GRIA3: variants seen among roughly 807,000 people sequenced by gnomAD.
The protein encoded by GRIA3 is glutamate receptor 3.
A neutral mutation model predicts 63.0 loss-of-function variants in GRIA3; 3 were observed. The observed-to-expected ratio is 0.05, with a 90% confidence interval of 0.02 to 0.12. GRIA3 has a LOEUF of 0.12. GRIA3 is among the 10% of genes least tolerant of loss of function. The probability of loss-of-function intolerance (pLI) is 1.00; values close to 1 mark genes in which losing one functional copy is unlikely to be tolerated. For missense variants in GRIA3, 347 were observed against 700.9 expected (o/e 0.50, Z 5.70); for synonymous variants, 274 against 257.9 (o/e 1.06, Z -0.60).
chrX:123,240,807 C>T (rs2044325543), intron 2 of GRIA3, among the ~76,000 whole-genome samples: 1 of 111,205 alleles, frequency 9.0e-6, no homozygotes, highest in Admixed American at 9.6e-5. Context: ...TCTCAGCATC[C>T]TTTTCTTTTT....
At chrX:123,341,369 A>G (rs1026921451) in intron 4 of GRIA3, among the ~76,000 whole-genome samples, 11 of 111,662 alleles carry the variant, frequency 9.9e-5, no homozygotes, top group African/African-American at 3.6e-4. Context: ...ACAAATTCTT[A>G]TTACTTTTGG....
intron 5 of GRIA3, among the ~76,000 whole-genome samples, chrX:123,367,498 G>A (rs896218911): frequency 3.7e-5 from 4 of 109,146 alleles, no homozygotes; most frequent in South Asian, 3.9e-4. Context: ...GTGCAGTGGC[G>A]TGATCTCCAC....
intron 13 of GRIA3, among the ~76,000 whole-genome samples, chrX:123,478,468 AC>A (rs2045896830): frequency 8.9e-6 from 1 of 112,015 alleles, no homozygotes; most frequent in Non-Finnish European, 1.9e-5. Context: ...TCCTACGCTA[AC>A]CAAGAAAGTT....
intron 7 of GRIA3, among the ~76,000 whole-genome samples, chrX:123,402,707 C>T (rs915292876): frequency 3.6e-5 from 4 of 110,943 alleles, no homozygotes; most frequent in Admixed American, 2.9e-4. Flanking sequence ...TAGGAAGGGG[C>T]TAGTGGAAAT....
chrX:123,293,067 T>C (rs1205362319), intron 3 of GRIA3, among the ~76,000 whole-genome samples: 1 of 109,740 alleles, frequency 9.1e-6, no homozygotes, highest in Non-Finnish European at 1.9e-5. Flanking sequence ...AGGAAAGGGA[T>C]GGTTTATAAT....
At chrX:123,370,290 G>A (rs1406426741) in intron 5 of GRIA3, among the ~76,000 whole-genome samples, 1 of 39,546 alleles carries the variant, frequency 2.5e-5, no homozygotes, top group Non-Finnish European at 6.0e-5. Context: ...ATATGGGGTG[G>A]TCATGCTGCT....
intron 2 of GRIA3, among the ~76,000 whole-genome samples, chrX:123,234,417 G>A (rs1246859320): frequency 3.6e-5 from 4 of 112,044 alleles, no homozygotes; most frequent in African/African-American, 1.3e-4. Context: ...TTTCACAAAT[G>A]TTTATGACTC....
At chrX:123,469,580 G>A (rs187610339) in intron 13 of GRIA3, among the ~76,000 whole-genome samples, 208 of 111,684 alleles carry the variant, frequency 1.9e-3, no homozygotes, top group African/African-American at 6.5e-3. Context: ...AACTGTAAAT[G>A]CACATGCAAG....
At chrX:123,354,316 T>A (rs1358763437) in intron 4 of GRIA3, among the ~76,000 whole-genome samples, 1 of 111,617 alleles carries the variant, frequency 9.0e-6, no homozygotes, top group Non-Finnish European at 1.9e-5. Context: ...TCGAGAGGAA[T>A]CCCTCCTCAG....
At chrX:123,205,931 A>G (rs1488050123) in intron 2 of GRIA3, among the ~76,000 whole-genome samples, 6 of 111,403 alleles carry the variant, frequency 5.4e-5, no homozygotes, top group Non-Finnish European at 1.1e-4. Context: ...TATTGTTTGC[A>G]CCCCAGACAG....
chrX:123,275,012 A>C lies in GRIA3; in HGVS notation c.508+21470A>C, dbSNP rs748309008. On this transcript the variant is annotated intron_variant, in intron 3 of 15. Coordinates refer to ENST00000620443, the MANE Select transcript of GRIA3 (RefSeq NM_007325.5). Reference sequence around the variant, plus strand: ...CTACCAAGGCATTCAAATTGAGAAAATGACTAAATTAGAACACAAACAGTA... The same window carrying C: ...CTACCAAGGCATTCAAATTGAGAAACTGACTAAATTAGAACACAAACAGTA... Among the ~76,000 whole-genome samples the C allele has an allele frequency of 4.5e-5, 5 of 111,375 alleles. No individual in the cohort carries two copies. In the East Asian group the frequency reaches 1.4e-3, roughly 31 times the overall value.
intron 5 of GRIA3, among the ~76,000 whole-genome samples, chrX:123,357,009 A>G (rs2045138105): frequency 8.9e-6 from 1 of 112,021 alleles, no homozygotes; most frequent in African/African-American, 3.2e-5. Flanking sequence ...ACAGGTCTAT[A>G]CCAGTAACAG....
chrX:123,327,024 G>T (rs1020872978), intron 4 of GRIA3, among the ~76,000 whole-genome samples: 2 of 109,390 alleles, frequency 1.8e-5, no homozygotes, highest in Non-Finnish European at 3.8e-5. Context: ...AAATTAACTG[G>T]GCGTGGTGGC....
intron 12 of GRIA3, among the ~76,000 whole-genome samples, chrX:123,455,570 T>G (rs1285299328): frequency 8.9e-6 from 1 of 111,918 alleles, no homozygotes; most frequent in East Asian, 2.8e-4. Context: ...TTGCCTCAAA[T>G]TGCTCTGATC....
chrX:123,345,549 C>T (rs1432572697), intron 4 of GRIA3, among the ~76,000 whole-genome samples: 2 of 108,971 alleles, frequency 1.8e-5, no homozygotes, highest in Non-Finnish European at 3.8e-5. Context: ...TTGATCAATG[C>T]TAGGGGCGGG....
chrX:123,197,354 G>A (rs940324163), intron 2 of GRIA3, among the ~76,000 whole-genome samples: 4 of 111,184 alleles, frequency 3.6e-5, no homozygotes, highest in Admixed American at 2.9e-4. Flanking sequence ...GTGAAACCCC[G>A]TGTCTACTAA....
chrX:123,396,625 T>C (rs1352864009), intron 6 of GRIA3, among the ~76,000 whole-genome samples: 1 of 111,925 alleles, frequency 8.9e-6, no homozygotes, highest in Non-Finnish European at 1.9e-5. Flanking sequence ...TACTGGAAAA[T>C]AATCCCAAGT....
chrX:123,451,506 A>T (rs376098766), intron 12 of GRIA3, among the ~76,000 whole-genome samples: 29 of 13,657 alleles, frequency 2.1e-3, no homozygotes, highest in African/African-American at 7.9e-3. Flanking sequence ...CTCTGTCTCT[A>T]AAAAAAAAAA....
intron 3 of GRIA3, among the ~76,000 whole-genome samples, chrX:123,273,132 TC>T: frequency 9.0e-6 from 1 of 111,635 alleles, no homozygotes; most frequent in East Asian, 2.8e-4. Context: ...GTCACAGCTT[TC>T]TTTGCCTGGG....
Sources: allele counts gnomAD v4.1 joint callset (sites outside exome capture counted in the v4.1 genomes callset), GRCh38; gene constraint gnomAD v4.1.1; transcripts MANE v1.5; gene names NCBI Gene and HGNC (gene_info 2026-07-23, HGNC 2026-07-21).